The following TSHZ2 variants were observed in gnomAD, a reference collection of about 807,000 sequenced individuals.
The protein encoded by TSHZ2 is teashirt homolog 2.
Under a neutral mutation model 74.4 loss-of-function variants are expected in TSHZ2, and 21 were observed. That is an observed-to-expected ratio of 0.28 (90% CI 0.20 to 0.41). The LOEUF (loss-of-function observed/expected upper bound fraction) is 0.41, where lower values mean the gene tolerates loss of function less well. Ranked by LOEUF, TSHZ2 falls within the 10% of genes least tolerant of loss-of-function variation. The probability of loss-of-function intolerance (pLI) is 1.00; values close to 1 mark genes in which losing one functional copy is unlikely to be tolerated. For synonymous variants in TSHZ2, 540 were observed against 515.3 expected (o/e 1.05, Z -0.65); for missense variants, 1,244 against 1,293.5 (o/e 0.96, Z 0.59).
At chr20:53,380,170 G>A (rs933998005) in intron 2 of TSHZ2, among the ~76,000 whole-genome samples, 22 of 148,842 alleles carry the variant, frequency 1.5e-4, no homozygotes, top group Admixed American at 7.3e-4. Flanking sequence ...GTGTGCACAC[G>A]CATGTGTGTT....
At chr20:53,206,882 A>G (rs2123597276) in intron 1 of TSHZ2, among the ~76,000 whole-genome samples, 1 of 152,126 alleles carries the variant, frequency 6.6e-6, no homozygotes, top group African/African-American at 2.4e-5. Flanking sequence ...TGCTAATTTG[A>G]ATCTCTCCTA....
intron 1 of TSHZ2, among the ~76,000 whole-genome samples, chr20:53,011,685 A>AGATGG (rs1336239016): frequency 6.6e-6 from 1 of 152,240 alleles, no homozygotes; most frequent in East Asian, 1.9e-4. Flanking sequence ...TTAAATAAAC[A>AGATGG]GATGGCTGAA....
intron 1 of TSHZ2, among the ~76,000 whole-genome samples, chr20:53,004,953 A>T (rs573834066): frequency 2.0e-5 from 3 of 152,266 alleles, no homozygotes; most frequent in East Asian, 3.9e-4. Context: ...CCAGTAAGTG[A>T]TATAATAGAA....
intron 2 of TSHZ2, among the ~76,000 whole-genome samples, chr20:53,284,774 TAG>T (rs1014141188): frequency 2.7e-5 from 3 of 112,310 alleles, no homozygotes; most frequent in Non-Finnish European, 5.0e-5. Context: ...GAGAGAGAAA[TAG>T]AGAGAGGAAG....
intron 2 of TSHZ2, among the ~76,000 whole-genome samples, chr20:53,478,525 G>A (rs1259858741): frequency 8.9e-6 from 1 of 112,596 alleles, no homozygotes; most frequent in Admixed American, 1.1e-4. Flanking sequence ...GGTGGGGGGA[G>A]GGGGGAGGGA....
At chr20:53,229,740 C>G (rs1989774947) in intron 1 of TSHZ2, among the ~76,000 whole-genome samples, 1 of 146,236 alleles carries the variant, frequency 6.8e-6, no homozygotes, top group Middle Eastern at 3.4e-3. Context: ...AGAAGTGTGG[C>G]TGACAGAATC....
At chr20:53,075,028 T>C (rs1985322738) in intron 1 of TSHZ2, among the ~76,000 whole-genome samples, 2 of 152,222 alleles carry the variant, frequency 1.3e-5, no homozygotes, top group Admixed American at 1.3e-4. Flanking sequence ...CCAGTCACAT[T>C]TTGAAATTTC....
At chr20:52,974,122 T>C (rs1981239492) in intron 1 of TSHZ2, among the ~76,000 whole-genome samples, 1 of 152,192 alleles carries the variant, frequency 6.6e-6, no homozygotes, top group African/African-American at 2.4e-5. Flanking sequence ...CAATAGACCT[T>C]CTAAAGTTTT....
chr20:53,058,850 G>A (rs1234839982), intron 1 of TSHZ2, among the ~76,000 whole-genome samples: 3 of 152,220 alleles, frequency 2.0e-5, no homozygotes, highest in Non-Finnish European at 2.9e-5. Flanking sequence ...CAGTCTGGCT[G>A]CCTTTTGTCT....
At chr20:53,417,935 G>A (rs1983328954) in intron 2 of TSHZ2, among the ~76,000 whole-genome samples, 1 of 152,052 alleles carries the variant, frequency 6.6e-6, no homozygotes, top group Non-Finnish European at 1.5e-5. Flanking sequence ...ACACAGCAAG[G>A]AACAAGAGTG....
chr20:53,094,583 T>C (rs542168251), intron 1 of TSHZ2, among the ~76,000 whole-genome samples: 3 of 152,230 alleles, frequency 2.0e-5, no homozygotes, highest in Non-Finnish European at 4.4e-5. Context: ...GGTAAACTCA[T>C]GGGCCTTTCT....
At chr20:53,455,405 T>C (rs2145794350) in intron 2 of TSHZ2, 1 of 152,214 alleles carries the variant, frequency 6.6e-6, no homozygotes, top group Non-Finnish European at 1.5e-5. Flanking sequence ...CTGAAGCAAA[T>C]GTTTTCCCAA....
chr20:53,001,194 GCGTTCA>G lies in TSHZ2; in HGVS notation c.40+27862_40+27867del, dbSNP rs1982394725. Among the ~76,000 whole-genome samples the G allele has an allele frequency of 1.3e-4, 20 of 149,984 alleles. No individual in the cohort carries two copies. The South Asian group carries it at 4.1e-3, about 31-fold the overall frequency. On this transcript the variant is annotated intron_variant, in intron 1 of 2. Coordinates refer to ENST00000371497, the MANE Select transcript of TSHZ2 (RefSeq NM_173485.6). Reference sequence around the variant, plus strand: ...GGTTTACAATGACAATGTTGTGTGTGCGTTCATGTGCGTGTGTGTGTGTGTGTGTGT... The same window carrying G: ...GGTTTACAATGACAATGTTGTGTGTGTGTGCGTGTGTGTGTGTGTGTGTGT...
At chr20:53,070,041 C>G (rs1985122711) in intron 1 of TSHZ2, among the ~76,000 whole-genome samples, 1 of 152,072 alleles carries the variant, frequency 6.6e-6, no homozygotes, top group Non-Finnish European at 1.5e-5. Flanking sequence ...GTCAGGTAAA[C>G]CAAAATTATT....
intron 2 of TSHZ2, among the ~76,000 whole-genome samples, chr20:53,349,944 G>T (rs1454778683): frequency 6.6e-6 from 1 of 152,186 alleles, no homozygotes; most frequent in African/African-American, 2.4e-5. Context: ...CCAGGGGATT[G>T]TTTTCTTGCC....
intron 1 of TSHZ2, among the ~76,000 whole-genome samples, chr20:53,078,898 T>C (rs889837471): frequency 6.6e-6 from 1 of 152,194 alleles, no homozygotes. Flanking sequence ...GAGAAGACCA[T>C]TGGGTACTTA....
rs553730625 is a variant in TSHZ2 at position 53,151,702 on chromosome 20, T to G, written c.41-101797T>G. On this transcript the variant is annotated intron_variant, in intron 1 of 2. Transcript: ENST00000371497. ...TTGGTATTCAGAGCTTTTAGGATTT[T>G]GGGAATCAAAGATAAGGGATTGTGA... is the stretch of plus-strand genomic sequence containing the variant. Among the ~76,000 whole-genome samples, 344 of 152,312 alleles carry G rather than the reference T, an allele frequency of 2.3e-3. 1 individual carries two copies. The highest frequency in any genetic ancestry group is 7.9e-3 in the African/African-American group (327 of 41,582).
chr20:53,044,926 G>A (rs1014046564), intron 1 of TSHZ2, among the ~76,000 whole-genome samples: 2 of 152,128 alleles, frequency 1.3e-5, no homozygotes, highest in Non-Finnish European at 2.9e-5. Flanking sequence ...TGCCCAGGCT[G>A]ATCTTGAACT....
intron 2 of TSHZ2, among the ~76,000 whole-genome samples, chr20:53,350,182 A>G (rs1040797463): frequency 3.3e-5 from 5 of 152,264 alleles, no homozygotes; most frequent in African/African-American, 1.2e-4. Context: ...ATAGAAAGTC[A>G]CATATTCACT....
Sources: allele counts gnomAD v4.1 joint callset (sites outside exome capture counted in the v4.1 genomes callset), GRCh38; gene constraint gnomAD v4.1.1; transcripts MANE v1.5; gene names NCBI Gene and HGNC (gene_info 2026-07-23, HGNC 2026-07-21).